Variants in ZNF407 observed in about 807,000 individuals in gnomAD.
The protein encoded by ZNF407 is zinc finger protein 407.
A neutral mutation model predicts 131.2 loss-of-function variants in ZNF407; 17 were observed. The ratio of observed to expected loss-of-function variants is 0.13; its 90% confidence interval spans 0.09 to 0.19. The LOEUF is 0.19. ZNF407 is among the 10% of genes least tolerant of loss of function. The pLI is 1.00. For missense variants in ZNF407, 2,681 were observed against 2,830.6 expected, an observed-to-expected ratio of 0.95 and a Z score of 1.20; for synonymous variants, 1,156 against 1,062.0, an observed-to-expected ratio of 1.09 and a Z score of -1.72.
chr18:74,653,955 C>T (rs1005015072), intron 3 of ZNF407, among the ~76,000 whole-genome samples: 1 of 151,538 alleles, frequency 6.6e-6, no homozygotes, highest in Non-Finnish European at 1.5e-5. Context: ...AAATTTATGT[C>T]CATCGATATA....
At chr18:74,877,116 G>A (rs1971168868) in intron 4 of ZNF407, 81 bp from the exon 5 acceptor site, 1 of 1,282,746 alleles carries the variant, frequency 7.8e-7, no homozygotes, top group Non-Finnish European at 1.1e-6. Context: ...CCGCACCTCA[G>A]GGTTCGCACA....
chr18:74,976,133 C>A (rs1482848095), intron 8 of ZNF407, among the ~76,000 whole-genome samples: 1 of 152,168 alleles, frequency 6.6e-6, no homozygotes, highest in Non-Finnish European at 1.5e-5. Flanking sequence ...GGAAGTAGAG[C>A]AGCTTGCATT....
At chr18:74,641,880 A>T (rs959195068) in intron 3 of ZNF407, among the ~76,000 whole-genome samples, 6 of 152,190 alleles carry the variant, frequency 3.9e-5, no homozygotes, top group African/African-American at 1.4e-4. Flanking sequence ...AGTCTATTTT[A>T]ATGCTGTTAT....
At chr18:74,676,648 A>G (rs148223145) in intron 3 of ZNF407, among the ~76,000 whole-genome samples, 3,539 of 151,606 alleles carry the variant, frequency 0.023, 50 homozygotes, top group Non-Finnish European at 0.028. Context: ...GTTAGCCAGG[A>G]TGGTCTCGAT....
chr18:75,038,933 G>A (rs1055449075), intron 8 of ZNF407, among the ~76,000 whole-genome samples: 1 of 152,172 alleles, frequency 6.6e-6, no homozygotes, highest in Non-Finnish European at 1.5e-5. Flanking sequence ...TCAAGAACTC[G>A]CAGCACTTCA....
chr18:74,662,923 G>A (rs1985775270), intron 3 of ZNF407, among the ~76,000 whole-genome samples: 2 of 152,178 alleles, frequency 1.3e-5, no homozygotes, highest in South Asian at 4.1e-4. Flanking sequence ...TCATGTGTGA[G>A]TATGCCGCAT....
At chr18:74,864,062 T>C (rs1333299278) in intron 4 of ZNF407, among the ~76,000 whole-genome samples, 1 of 152,212 alleles carries the variant, frequency 6.6e-6, no homozygotes, top group Non-Finnish European at 1.5e-5. Flanking sequence ...TTGGAGTGCA[T>C]GTAGACTCTA....
intron 3 of ZNF407, among the ~76,000 whole-genome samples, chr18:74,726,410 A>G (rs544043700): frequency 1.6e-4 from 25 of 152,380 alleles, no homozygotes; most frequent in South Asian, 1.0e-3. Flanking sequence ...TATGCCTAAT[A>G]TACTATGCAT....
At chr18:74,881,339 C>G (rs1380189172) in intron 6 of ZNF407, among the ~76,000 whole-genome samples, 1 of 152,064 alleles carries the variant, frequency 6.6e-6, no homozygotes, top group Non-Finnish European at 1.5e-5. Flanking sequence ...GAAGCAGGTA[C>G]CCTCAGTAAA....
At chr18:74,824,914 A>C (rs886165580) in intron 4 of ZNF407, among the ~76,000 whole-genome samples, 1 of 152,214 alleles carries the variant, frequency 6.6e-6, no homozygotes, top group African/African-American at 2.4e-5. Flanking sequence ...CAACAACAAA[A>C]AAAGTTCAGG....
intron 1 of ZNF407, among the ~76,000 whole-genome samples, chr18:74,620,444 C>A (rs878911627): frequency 6.6e-6 from 1 of 151,882 alleles, no homozygotes; most frequent in African/African-American, 2.4e-5. Context: ...GGATGGACTT[C>A]TGGTGATTGT....
intron 7 of ZNF407, among the ~76,000 whole-genome samples, chr18:74,917,734 A>T (rs933538858): frequency 6.6e-6 from 1 of 152,168 alleles, no homozygotes; most frequent in Non-Finnish European, 1.5e-5. Context: ...ATTATTCTCC[A>T]TTTAAATATG....
chr18:74,731,404 A>G (rs1968291377), intron 3 of ZNF407, among the ~76,000 whole-genome samples: 1 of 152,298 alleles, frequency 6.6e-6, no homozygotes, highest in Middle Eastern at 3.4e-3. Flanking sequence ...TTTTTAGGCA[A>G]GTTTATCATA....
chr18:75,016,335 G>A (rs1014100567), intron 8 of ZNF407, among the ~76,000 whole-genome samples: 2 of 151,922 alleles, frequency 1.3e-5, no homozygotes, highest in Non-Finnish European at 2.9e-5. Context: ...TAAATATATG[G>A]CAACAATTAC....
intron 3 of ZNF407, among the ~76,000 whole-genome samples, chr18:74,739,971 TG>T (rs2144917041): frequency 6.6e-6 from 1 of 152,320 alleles, no homozygotes; most frequent in East Asian, 1.9e-4. Flanking sequence ...AGTCAGTCAG[TG>T]TTCTGGAGAA....
chr18:74,761,622 A>T (rs748215083), intron 3 of ZNF407, among the ~76,000 whole-genome samples: 4 of 152,144 alleles, frequency 2.6e-5, no homozygotes, highest in African/African-American at 4.8e-5. Flanking sequence ...CCAACATATA[A>T]ACCCTAAAAT....
In ZNF407 at chr18:74,927,827, A is replaced by G. The variant is rs557213112; in HGVS notation, c.5428+7135A>G. ...GAATCTCATAACAACAAACATATAT[A>G]TGTGTACACATTAGTATTCATACAT... On this transcript the variant is annotated intron_variant, in intron 8 of 8. Transcript: ENST00000299687. Among the ~76,000 whole-genome samples, 448 of 113,414 alleles carry G rather than the reference A, an allele frequency of 4.0e-3. 1 individual carries two copies. The highest frequency in any genetic ancestry group is 0.012 in the Middle Eastern group (2 of 172). 74.4% of individuals were successfully genotyped at this position (113,414 alleles called of 152,430 possible).
At chr18:74,676,013 T>G (rs142869141) in intron 3 of ZNF407, among the ~76,000 whole-genome samples, 129 of 152,272 alleles carry the variant, frequency 8.5e-4, no homozygotes, top group Admixed American at 1.6e-3. Context: ...AAAAAGAAAA[T>G]AAAACAAGTC....
intron 8 of ZNF407, among the ~76,000 whole-genome samples, chr18:75,052,298 T>G (rs1393578044): frequency 6.6e-6 from 1 of 152,236 alleles, no homozygotes; most frequent in Non-Finnish European, 1.5e-5. Flanking sequence ...ATTACCTCGC[T>G]GTTATCTGCC....
Sources: gnomAD v4.1 joint callset for allele counts (sites outside exome capture counted in the v4.1 genomes callset) on GRCh38, gnomAD v4.1.1 for gene constraint, MANE v1.5 for transcripts, NCBI Gene and HGNC (gene_info 2026-07-23, HGNC 2026-07-21) for gene names.